The following ITGB3 variants were observed in gnomAD, a reference collection of about 807,000 sequenced individuals.
ITGB3 encodes integrin subunit beta 3.
In ITGB3, 48 loss-of-function variants were observed where a neutral mutation model predicts 85.8. The observed-to-expected ratio is 0.56, with a 90% confidence interval of 0.44 to 0.71. The LOEUF (loss-of-function observed/expected upper bound fraction) is 0.71, where lower values mean the gene tolerates loss of function less well. ITGB3 is among the 30% of genes least tolerant of loss of function. The pLI is 0.00. For synonymous variants in ITGB3, 363 were observed against 395.6 expected (o/e 0.92, Z 0.98); for missense variants, 861 against 1,019.1 (o/e 0.84, Z 2.11).
chr17:47,310,310 CAG>C lies in ITGB3; in HGVS notation c.*109_*110del, dbSNP rs1173347828. On this transcript the variant is annotated 3_prime_UTR_variant, in exon 15 of 15. Transcript: ENST00000559488. ...TATTTGTGGGGAGGGATTTGGGGCT[CAG>C]AGTGGGGTAGGTTGGGAGAATGTCA... The C allele has an allele frequency of 9.3e-7, 1 of 1,076,154 alleles. No individual in the cohort carries two copies. The highest frequency in any genetic ancestry group is 1.4e-6 in the Non-Finnish European group (1 of 701,368). The allele number at this position is 1,076,154 out of a possible 1,614,324, so 66.7% of individuals were successfully genotyped here.
intron 2 of ITGB3, among the ~76,000 whole-genome samples, chr17:47,275,432 C>T (rs79261245): frequency 1.6e-3 from 237 of 152,204 alleles, no homozygotes; most frequent in South Asian, 0.01. Flanking sequence ...TGAAGAGATT[C>T]GGTGATTATA....
intron 1 of ITGB3, among the ~76,000 whole-genome samples, chr17:47,255,710 G>T (rs899106084): frequency 6.6e-6 from 1 of 152,184 alleles, no homozygotes; most frequent in African/African-American, 2.4e-5. Context: ...GTGAGCCACC[G>T]CACCCGGCCA....
Position 47,292,131 on chromosome 17 carries a change from C to T in ITGB3, c.1261-8C>T. Reference sequence around the variant, plus strand: ...CTGTGTCTAAATACAATCTTTCTTTCCATCCAGGTGAGCTTCAGCATTGAG... The same window carrying T: ...CTGTGTCTAAATACAATCTTTCTTTTCATCCAGGTGAGCTTCAGCATTGAG... On this transcript the variant is annotated splice_region_variant and splice_polypyrimidine_tract_variant and intron_variant, in intron 9 of 14. Coordinates refer to ENST00000559488, the MANE Select transcript of ITGB3 (RefSeq NM_000212.3). 2.5e-6 allele frequency: 4 copies of T among 1,613,984 alleles called. No homozygotes were observed. Among genetic ancestry groups the T allele is most frequent in the Non-Finnish European group, 3.4e-6 (4 of 1,179,868 alleles).
chr17:47,273,855 G>T (rs1246941586), intron 1 of ITGB3, among the ~76,000 whole-genome samples: 1 of 152,182 alleles, frequency 6.6e-6, no homozygotes, highest in Admixed American at 6.5e-5. Flanking sequence ...TGGATTCCAA[G>T]ATATATGCAT....
intron 4 of ITGB3, among the ~76,000 whole-genome samples, 183 bp downstream of exon 4, chr17:47,284,878 A>G (rs1202604627): frequency 2.0e-5 from 3 of 152,186 alleles, no homozygotes; most frequent in Non-Finnish European, 2.9e-5. Context: ...TGTTGTGTCA[A>G]TGGAGCCTAA....
At chr17:47,275,889 C>T (rs759268718) in intron 2 of ITGB3, among the ~76,000 whole-genome samples, 1 of 152,216 alleles carries the variant, frequency 6.6e-6, no homozygotes, top group African/African-American at 2.4e-5. Flanking sequence ...TCCCCCACCC[C>T]CGCAGGTTCT....
At chr17:47,272,531 A>G (rs890507691) in intron 1 of ITGB3, among the ~76,000 whole-genome samples, 5 of 152,198 alleles carry the variant, frequency 3.3e-5, no homozygotes, top group African/African-American at 1.2e-4. Flanking sequence ...CCTGATTAAT[A>G]GAAGCCAAAT....
At chr17:47,276,055 T>G (rs1413612921) in intron 2 of ITGB3, among the ~76,000 whole-genome samples, 1 of 152,066 alleles carries the variant, frequency 6.6e-6, no homozygotes, top group African/African-American at 2.4e-5. Context: ...GAGAGCTGAA[T>G]GGGGAGGGGG....
At chr17:47,285,250 A>G (rs566179583) in intron 4 of ITGB3, among the ~76,000 whole-genome samples, 1 of 152,322 alleles carries the variant, frequency 6.6e-6, no homozygotes, top group Admixed American at 6.5e-5. Flanking sequence ...GACTGTGCAA[A>G]TCCATGTATT....
chr17:47,262,754 G>A (rs1253416435), intron 1 of ITGB3, among the ~76,000 whole-genome samples: 2 of 152,188 alleles, frequency 1.3e-5, no homozygotes, highest in Admixed American at 6.5e-5. Context: ...GAGACAAAGG[G>A]CCCTTTCACG....
intron 2 of ITGB3, among the ~76,000 whole-genome samples, chr17:47,280,812 G>A (rs1036522313): frequency 6.6e-6 from 1 of 152,018 alleles, no homozygotes; most frequent in Admixed American, 6.6e-5. Flanking sequence ...TCCCTACCTG[G>A]GGCATTCTCT....
chr17:47,291,990 G>A, intron 9 of ITGB3, 149 bp from the exon 10 acceptor site: 1 of 768,224 alleles, frequency 1.3e-6, no homozygotes, highest in Non-Finnish European at 2.3e-6. Context: ...CTTCATATAG[G>A]GAAGGCTGAG....
chr17:47,286,994 G>T, intron 5 of ITGB3, 76 bp from the exon 6 acceptor site: 1 of 1,513,790 alleles, frequency 6.6e-7, no homozygotes. Flanking sequence ...AGCACCTTGG[G>T]TCTCTGTTCT....
chr17:47,290,785 A>G (rs996458345), intron 8 of ITGB3, among the ~76,000 whole-genome samples, 169 bp from the exon 9 acceptor site: 3 of 152,174 alleles, frequency 2.0e-5, no homozygotes, highest in Admixed American at 1.3e-4. Context: ...CGCAGGAAAC[A>G]GAGTCCTAGG....
At chr17:47,278,564 C>G (rs560524416) in intron 2 of ITGB3, among the ~76,000 whole-genome samples, 1 of 149,272 alleles carries the variant, frequency 6.7e-6, no homozygotes, top group Admixed American at 6.7e-5. Flanking sequence ...GCCTGGGCAA[C>G]AAGAGCGAAA....
Position 47,290,948 on chromosome 17 carries a change from G to C in ITGB3, c.1126-6G>C, listed in dbSNP as rs775628810. The C allele has an allele frequency of 6.2e-7, 1 of 1,613,986 alleles. No homozygotes were observed. Among genetic ancestry groups the C allele is most frequent in the Admixed American group, 1.7e-5 (1 of 60,016 alleles). The stretch of plus-strand genomic sequence containing the variant: ...TTCTTGTCTTCTTGTGCCCCTTTCT[G>C]CTCAGAAAATCCGTTCTAAAGTAGA... On this transcript the variant is annotated splice_polypyrimidine_tract_variant and splice_region_variant and intron_variant, in intron 8 of 14. Coordinates refer to ENST00000559488, the MANE Select transcript of ITGB3 (RefSeq NM_000212.3).
intron 6 of ITGB3, 133 bp downstream of exon 6, chr17:47,287,364 C>A: frequency 1.1e-6 from 1 of 921,166 alleles, no homozygotes; most frequent in Non-Finnish European, 1.7e-6. Flanking sequence ...TTCCAGCTTG[C>A]CCCTATCCCT....
chr17:47,290,303 G>C lies in ITGB3; in HGVS notation c.1125+29G>C, dbSNP rs16941829. The C allele has an allele frequency of 1.3e-6, 2 of 1,580,142 alleles. No individual in the cohort carries two copies. Among genetic ancestry groups the C allele is most frequent in the Admixed American group, 1.7e-5 (1 of 59,954 alleles). Reference sequence around the variant, plus strand: ...AGTGTCTTGTGCTGGGAATAGTCCCGCGGAGAGTCCACCTCATTTGGCTTA... The same window carrying C: ...AGTGTCTTGTGCTGGGAATAGTCCCCCGGAGAGTCCACCTCATTTGGCTTA... On this transcript the variant is annotated intron_variant, in intron 8 of 14. Coordinates refer to ENST00000559488, the MANE Select transcript of ITGB3 (RefSeq NM_000212.3).
chr17:47,302,046 C>T (rs534641113), intron 12 of ITGB3, among the ~76,000 whole-genome samples: 3 of 152,290 alleles, frequency 2.0e-5, no homozygotes, highest in South Asian at 2.1e-4. Flanking sequence ...CAGTTTTACT[C>T]ATCTGGTTTC....
Sources: gnomAD v4.1 joint callset for allele counts (sites outside exome capture counted in the v4.1 genomes callset) on GRCh38, gnomAD v4.1.1 for gene constraint, MANE v1.5 for transcripts, NCBI Gene and HGNC (gene_info 2026-07-23, HGNC 2026-07-21) for gene names.